The following RALGAPA2 variants were observed in gnomAD, a reference collection of about 807,000 sequenced individuals.
RALGAPA2 encodes Ral GTPase activating protein catalytic subunit alpha 2.
A neutral mutation model predicts 230.4 loss-of-function variants in RALGAPA2; 139 were observed. The observed-to-expected ratio is 0.60, with a 90% CI of 0.53 to 0.69. RALGAPA2 has a LOEUF of 0.69. Among genes scored for constraint, RALGAPA2 ranks in the 30% least tolerant of loss-of-function variants. The probability of loss-of-function intolerance (pLI) is 0.00; values close to 1 mark genes in which losing one functional copy is unlikely to be tolerated. For synonymous variants in RALGAPA2, 847 were observed against 837.8 expected, an observed-to-expected ratio of 1.01 and a Z score of -0.19; for missense variants, 2,163 against 2,276.0, an observed-to-expected ratio of 0.95 and a Z score of 1.01.
At chr20:20,627,317 T>C (rs2066518695) in intron 10 of RALGAPA2, among the ~76,000 whole-genome samples, 1 of 152,112 alleles carries the variant, frequency 6.6e-6, no homozygotes, top group African/African-American at 2.4e-5. Flanking sequence ...CAGGTCCCTT[T>C]GAAGAAGCAG....
intron 37 of RALGAPA2, among the ~76,000 whole-genome samples, chr20:20,458,478 T>C (rs1406977116): frequency 7.2e-6 from 1 of 139,086 alleles, no homozygotes; most frequent in African/African-American, 2.7e-5. Context: ...TAATATATAA[T>C]ATATATGTAT....
chr20:20,586,640 A>G (rs933750960), intron 18 of RALGAPA2, among the ~76,000 whole-genome samples: 1 of 152,250 alleles, frequency 6.6e-6, no homozygotes, highest in African/African-American at 2.4e-5. Flanking sequence ...AAAGATTATT[A>G]GAAATTACAA....
intron 21 of RALGAPA2, among the ~76,000 whole-genome samples, chr20:20,572,446 CAAAA>C (rs397964870): frequency 9.8e-6 from 1 of 101,746 alleles, no homozygotes; most frequent in African/African-American, 3.8e-5. Context: ...GACTCCATTT[CAAAA>C]AAAAAAAAAA....
At chr20:20,666,967 C>T (rs947482668) in intron 3 of RALGAPA2, among the ~76,000 whole-genome samples, 1 of 152,118 alleles carries the variant, frequency 6.6e-6, no homozygotes, top group Non-Finnish European at 1.5e-5. Context: ...GGAAATAAAT[C>T]TCAGAATTGT....
chr20:20,569,409 T>C (rs1005653500), intron 23 of RALGAPA2, among the ~76,000 whole-genome samples: 3 of 152,184 alleles, frequency 2.0e-5, no homozygotes, highest in Admixed American at 6.5e-5. Context: ...AATAGGCTGA[T>C]TTTAAATAGA....
intron 10 of RALGAPA2, among the ~76,000 whole-genome samples, chr20:20,622,415 A>ATTC (rs1247073166): frequency 1.6e-3 from 246 of 152,326 alleles, no homozygotes; most frequent in African/African-American, 5.7e-3. Context: ...TTACAGGTAA[A>ATTC]ACTGCTGAAA....
At chr20:20,656,552 C>T (rs1341888502) in intron 3 of RALGAPA2, among the ~76,000 whole-genome samples, 1 of 152,076 alleles carries the variant, frequency 6.6e-6, no homozygotes, top group Non-Finnish European at 1.5e-5. Context: ...TAAGTCTTCC[C>T]CTTGCAATAT....
At chr20:20,507,948 T>G (rs907779381) in intron 33 of RALGAPA2, among the ~76,000 whole-genome samples, 1 of 152,238 alleles carries the variant, frequency 6.6e-6, no homozygotes, top group Non-Finnish European at 1.5e-5. Flanking sequence ...CAGCATTTAA[T>G]TTTTCTTTGT....
chr20:20,515,488 A>G (rs910808587), intron 31 of RALGAPA2, among the ~76,000 whole-genome samples: 1 of 152,230 alleles, frequency 6.6e-6, no homozygotes, highest in African/African-American at 2.4e-5. Flanking sequence ...ACAGGTAAAA[A>G]ACTATAAATC....
chr20:20,526,138 G>A, intron 28 of RALGAPA2, 114 bp downstream of exon 28: 1 of 823,990 alleles, frequency 1.2e-6, no homozygotes, highest in Non-Finnish European at 1.9e-6. Flanking sequence ...AGTGACTTGT[G>A]GCAATTTAAT....
intron 37 of RALGAPA2, among the ~76,000 whole-genome samples, chr20:20,454,730 C>CT (rs1386462935): frequency 1.3e-5 from 2 of 152,202 alleles, no homozygotes; most frequent in Non-Finnish European, 2.9e-5. Context: ...CAGCCTCTCA[C>CT]TTGGTCACAG....
intron 2 of RALGAPA2, among the ~76,000 whole-genome samples, chr20:20,680,140 C>T (rs908657963): frequency 6.6e-6 from 1 of 152,184 alleles, no homozygotes; most frequent in East Asian, 1.9e-4. Context: ...GGTTCCCAAC[C>T]CAGTCTGGCT....
At chr20:20,541,774 T>G (rs1164885628) in intron 24 of RALGAPA2, among the ~76,000 whole-genome samples, 2 of 152,200 alleles carry the variant, frequency 1.3e-5, no homozygotes, top group Non-Finnish European at 2.9e-5. Context: ...CAACTGTATA[T>G]CTGTAAGGCT....
chr20:20,646,917 C>A (rs2067235836), intron 4 of RALGAPA2, among the ~76,000 whole-genome samples: 1 of 150,750 alleles, frequency 6.6e-6, no homozygotes, highest in African/African-American at 2.4e-5. Context: ...TTTTCTCGTG[C>A]AGAACATTAA....
intron 10 of RALGAPA2, among the ~76,000 whole-genome samples, chr20:20,621,336 A>T (rs184164726): frequency 2.5e-3 from 383 of 152,312 alleles, no homozygotes; most frequent in Admixed American, 4.3e-3. Context: ...GCAAGTGGCA[A>T]CCAGTCGTGC....
At chr20:20,524,927 C>A in intron 28 of RALGAPA2, 29 bp from the exon 29 acceptor site, 2 of 1,573,698 alleles carry the variant, frequency 1.3e-6, no homozygotes, top group East Asian at 2.3e-5. Context: ...CCCAATCAAA[C>A]AGACCATATT....
chr20:20,513,590 C>T (rs1001271467), intron 31 of RALGAPA2, among the ~76,000 whole-genome samples: 3 of 152,094 alleles, frequency 2.0e-5, no homozygotes, highest in East Asian at 1.9e-4. Flanking sequence ...CCCCAGTACC[C>T]GAGACAGAAA....
chr20:20,467,646 CT>C (rs1263668352), intron 37 of RALGAPA2, among the ~76,000 whole-genome samples: 1 of 152,190 alleles, frequency 6.6e-6, no homozygotes, highest in Admixed American at 6.5e-5. Flanking sequence ...TTCTCTGTCC[CT>C]TCCCATTTGA....
intron 3 of RALGAPA2, among the ~76,000 whole-genome samples, chr20:20,668,926 T>G (rs1041861224): frequency 9.2e-5 from 14 of 152,048 alleles, no homozygotes; most frequent in Admixed American, 7.9e-4. Context: ...GGACTGTGAG[T>G]GTTAGACCAG....
Sources: gnomAD v4.1 joint callset for allele counts (sites outside exome capture counted in the v4.1 genomes callset) on GRCh38, gnomAD v4.1.1 for gene constraint, MANE v1.5 for transcripts, NCBI Gene and HGNC (gene_info 2026-07-23, HGNC 2026-07-21) for gene names.